Variants in NEDD9 observed in about 807,000 individuals in gnomAD.
NEDD9 encodes enhancer of filamentation 1.
Under a neutral mutation model 76.6 loss-of-function variants are expected in NEDD9, and 26 were observed. The observed-to-expected ratio is 0.34, with a 90% CI of 0.25 to 0.47. The LOEUF is 0.47. Ranked by LOEUF, NEDD9 falls within the 20% of genes least tolerant of loss-of-function variation. The pLI is 1.00. For missense variants in NEDD9, 937 were observed against 1,058.5 expected, an observed-to-expected ratio of 0.89 and a Z score of 1.59; for synonymous variants, 392 against 414.2, an observed-to-expected ratio of 0.95 and a Z score of 0.65.
chr6:11,259,328 G>T (rs6457205), intron 3 of NEDD9, among the ~76,000 whole-genome samples: 56,468 of 152,036 alleles, frequency 0.37, 11,441 homozygotes, highest in African/African-American at 0.52. Flanking sequence ...GGGGCAGCAA[G>T]GGCTAATCTC....
At chr6:11,377,247 G>A (rs530080625) in intron 1 of NEDD9, among the ~76,000 whole-genome samples, 2 of 152,356 alleles carry the variant, frequency 1.3e-5, no homozygotes, top group African/African-American at 4.8e-5. Context: ...GCTGCGGAAA[G>A]GGGGCTGCCA....
chr6:11,313,835 T>A (rs544075558), intron 2 of NEDD9, among the ~76,000 whole-genome samples: 1 of 152,346 alleles, frequency 6.6e-6, no homozygotes, highest in Admixed American at 6.5e-5. Context: ...TATTTGTTTT[T>A]AAAAATTGTT....
intron 1 of NEDD9, among the ~76,000 whole-genome samples, chr6:11,217,377 T>G (rs1323998809): frequency 1.3e-5 from 2 of 152,206 alleles, no homozygotes; most frequent in African/African-American, 4.8e-5. Flanking sequence ...TTTAATCTAC[T>G]CAAGATGTAC....
chr6:11,199,129 C>T (rs751076396), intron 2 of NEDD9: 2 of 152,190 alleles, frequency 1.3e-5, no homozygotes, highest in Admixed American at 6.5e-5. Flanking sequence ...GAAACCAAAA[C>T]AAACCCTGCT....
At chr6:11,353,802 T>G (rs947338070) in intron 1 of NEDD9, among the ~76,000 whole-genome samples, 2 of 152,172 alleles carry the variant, frequency 1.3e-5, no homozygotes, top group Non-Finnish European at 2.9e-5. Flanking sequence ...TTGGATGGAA[T>G]AGGGGCAGGT....
intron 1 of NEDD9, among the ~76,000 whole-genome samples, chr6:11,373,092 A>G (rs759547927): frequency 1.6e-4 from 25 of 152,122 alleles, no homozygotes; most frequent in Non-Finnish European, 2.4e-4. Context: ...TTCCCAAATC[A>G]ATTCTTTTGA....
At position 11,298,054 on chromosome 6, in the gene NEDD9, C is replaced by T. The variant is rs147494271; in HGVS notation, c.12+7938G>A. Among the ~76,000 whole-genome samples, 152 of 152,012 alleles carry T rather than the reference C, an allele frequency of 1.0e-3. 2 individuals are homozygous for T. Among genetic ancestry groups the T allele is most frequent in the African/African-American group, 3.3e-3 (138 of 41,464 alleles). ...TTCTGAATAGCTGTTACTATAGGTG[C>T]GCACCACTACACCCAGCTAATTTTT... On this transcript the variant is annotated intron_variant, in intron 3 of 3. Transcript: ENST00000397378.
At chr6:11,309,595 A>T (rs4711244) in intron 2 of NEDD9, among the ~76,000 whole-genome samples, 25,166 of 152,196 alleles carry the variant, frequency 0.17, 2,204 homozygotes, top group African/African-American at 0.22. Context: ...AAGTGGTCGT[A>T]TCAATCGATA....
intron 3 of NEDD9, among the ~76,000 whole-genome samples, chr6:11,245,156 G>T (rs904835255): frequency 2.0e-5 from 3 of 152,198 alleles, no homozygotes; most frequent in Non-Finnish European, 2.9e-5. Flanking sequence ...GAACTTGTGT[G>T]TGGGAGGAGA....
intron 1 of NEDD9, among the ~76,000 whole-genome samples, chr6:11,225,172 A>G (rs1184225385): frequency 6.6e-6 from 1 of 152,206 alleles, no homozygotes; most frequent in African/African-American, 2.4e-5. Flanking sequence ...GGGCTATCAA[A>G]TATTTTTGTT....
intron 3 of NEDD9, among the ~76,000 whole-genome samples, chr6:11,289,513 C>A (rs546277207): frequency 3.3e-4 from 50 of 152,210 alleles, no homozygotes; most frequent in African/African-American, 1.1e-3. Context: ...AATGCAGTGG[C>A]GCGATCTTGG....
At position 11,190,497 on chromosome 6, in the gene NEDD9, A is replaced by G. The variant is rs762918093; in HGVS notation, c.1372T>C (p.Phe458Leu). ...ACAAAGTGGAGGTACTCCTTCAGGA[A>G]CAGCTCCACCTTGTCCACTGCTGTG... is the stretch of plus-strand genomic sequence containing the variant. ...IRTAVDKVEL[F>L]LKEYLHFVKG... Residue 458 changes from phenylalanine to leucine, a missense_variant, in exon 5 of 7, where the codon TTC becomes CTC. By Grantham distance (22) the Phe-to-Leu change is conservative. Transcript: ENST00000379446. This position sits in a 1 kb window ranked among gnomAD's most constrained non-coding sequence, Gnocchi z 5.8. 1.2e-5 allele frequency: 19 copies of G among 1,614,076 alleles called. No individual in the cohort carries two copies. In the South Asian group the frequency reaches 2.0e-4, roughly 17 times the overall value.
intron 3 of NEDD9, among the ~76,000 whole-genome samples, chr6:11,304,556 C>G (rs1360396662): frequency 1.3e-5 from 2 of 152,136 alleles, no homozygotes; most frequent in Non-Finnish European, 2.9e-5. Flanking sequence ...GGAACCAACC[C>G]AAATATCCAT....
chr6:11,254,181 C>G (rs1039932243), intron 3 of NEDD9, among the ~76,000 whole-genome samples: 3 of 152,104 alleles, frequency 2.0e-5, no homozygotes, highest in Admixed American at 6.5e-5. Flanking sequence ...AGTACAGTGG[C>G]ATGATCTCAG....
intron 3 of NEDD9, among the ~76,000 whole-genome samples, chr6:11,249,804 A>C (rs1286445892): frequency 6.6e-6 from 1 of 152,218 alleles, no homozygotes; most frequent in Non-Finnish European, 1.5e-5. Context: ...GGTACTGGGC[A>C]ATAGAGTGCA....
At chr6:11,266,862 C>G (rs1760211049) in intron 3 of NEDD9, among the ~76,000 whole-genome samples, 1 of 152,150 alleles carries the variant, frequency 6.6e-6, no homozygotes, top group South Asian at 2.1e-4. Context: ...TTGCATTCAG[C>G]AAGAAGTTAA....
In NEDD9 at chr6:11,198,326, C is replaced by T. The variant is rs1758341088; in HGVS notation, c.460-4634G>A. Reference sequence around the variant, plus strand: ...CTTGGAAATCTTCTGAAGGCAGGGCCCCCAGGCTCTGCACCAACTCCCTCC... The same window carrying T: ...CTTGGAAATCTTCTGAAGGCAGGGCTCCCAGGCTCTGCACCAACTCCCTCC... On this transcript the variant is annotated intron_variant, in intron 2 of 6. Coordinates refer to ENST00000379446, the MANE Select transcript of NEDD9 (RefSeq NM_006403.4). The surrounding 1 kb of genome is among the most constrained non-coding windows in gnomAD (Gnocchi z 4.7). 1 of 152,318 alleles carries T rather than the reference C, an allele frequency of 6.6e-6. No individual in the cohort carries two copies. The highest frequency in any genetic ancestry group is 2.1e-4 in the South Asian group (1 of 4,824). 9.4% of individuals were successfully genotyped at this position (152,318 alleles called of 1,614,324 possible). A position where few individuals can be genotyped will look rare whatever the true frequency, so the allele number is the denominator to read the frequency against.
chr6:11,220,932 A>G lies in NEDD9; in HGVS notation c.13-7205T>C, dbSNP rs185012462. 9.7e-3 allele frequency among the ~76,000 whole-genome samples: 1,458 copies of G among 150,820 alleles called. 9 individuals are homozygous for G. The highest frequency in any genetic ancestry group is 0.014 in the Non-Finnish European group (941 of 68,024). ...TAACCAACAAAATCTTAGGGCAAAG[A>G]GTTAGTAGGCAGATTTGCATATATG... is the stretch of plus-strand genomic sequence containing the variant. On this transcript the variant is annotated intron_variant, in intron 1 of 6. Transcript: ENST00000379446.
rs139028819 is a variant in NEDD9, at chr6:11,276,178, C to T, written c.12+29814G>A. Among the ~76,000 whole-genome samples, 3 of 152,266 alleles carry T rather than the reference C, an allele frequency of 2.0e-5. No homozygotes were observed. In the East Asian group the frequency reaches 5.8e-4, roughly 29 times the overall value. On this transcript the variant is annotated intron_variant, in intron 3 of 3. Transcript: ENST00000397378. The stretch of plus-strand genomic sequence containing the variant: ...GATTAAGAAATCTAATTAAAACCTC[C>T]ACCAATACCAATTAAAATGGAAATT...
Sources: allele counts gnomAD v4.1 joint callset (sites outside exome capture counted in the v4.1 genomes callset), GRCh38; gene constraint gnomAD v4.1.1; non-coding constraint Gnocchi (gnomAD v3.1); transcripts MANE v1.5; gene names NCBI Gene and HGNC (gene_info 2026-07-23, HGNC 2026-07-21).